Variants in LAMA2 observed in about 807,000 individuals in gnomAD.
The protein encoded by LAMA2 is laminin subunit alpha 2, also known as laminin subunit alpha-2.
Under a neutral mutation model 364.8 loss-of-function variants are expected in LAMA2, and 269 were observed. The ratio of observed to expected loss-of-function variants is 0.74; its 90% confidence interval spans 0.67 to 0.82. The LOEUF is 0.82. LAMA2 is among the 40% of genes least tolerant of loss of function. The probability of loss-of-function intolerance (pLI) is 0.00; values close to 1 mark genes in which losing one functional copy is unlikely to be tolerated. For synonymous variants in LAMA2, 1,379 were observed against 1,370.6 expected (o/e 1.01, Z -0.14); for missense variants, 3,807 against 3,873.2 (o/e 0.98, Z 0.45).
chr6:129,397,930 C>T (rs1779748662), intron 37 of LAMA2, among the ~76,000 whole-genome samples: 1 of 122,266 alleles, frequency 8.2e-6, no homozygotes, highest in Non-Finnish European at 1.7e-5. Context: ...GAGTGAGACT[C>T]CGTCTCAGAA....
chr6:128,995,471 G>A (rs1783871870), intron 1 of LAMA2, among the ~76,000 whole-genome samples: 1 of 152,144 alleles, frequency 6.6e-6, no homozygotes, highest in African/African-American at 2.4e-5. Flanking sequence ...ACAGGTGCCT[G>A]CCACCACGCC....
intron 33 of LAMA2, among the ~76,000 whole-genome samples, chr6:129,369,382 T>C (rs1048321804): frequency 6.6e-6 from 1 of 152,216 alleles, no homozygotes; most frequent in African/African-American, 2.4e-5. Flanking sequence ...GTTAGGCCAG[T>C]TCCTAGCAAC....
At chr6:129,238,761 T>TAAA (rs1451877044) in intron 12 of LAMA2, among the ~76,000 whole-genome samples, 2 of 152,142 alleles carry the variant, frequency 1.3e-5, no homozygotes, top group Non-Finnish European at 2.9e-5. Context: ...ATAATAATAA[T>TAAA]AAACCTACAT....
intron 27 of LAMA2, among the ~76,000 whole-genome samples, chr6:129,317,098 G>T (rs540554685): frequency 6.6e-6 from 1 of 152,242 alleles, no homozygotes; most frequent in East Asian, 1.9e-4. Flanking sequence ...CCACATCATG[G>T]ACCCTCATGG....
chr6:128,942,922 G>A (rs1023698565), intron 1 of LAMA2, among the ~76,000 whole-genome samples: 7 of 152,158 alleles, frequency 4.6e-5, no homozygotes, highest in African/African-American at 7.2e-5. Flanking sequence ...TGCTCCAATC[G>A]TAGTTTCAGT....
intron 22 of LAMA2, among the ~76,000 whole-genome samples, chr6:129,309,284 A>C (rs959990428): frequency 1.3e-5 from 2 of 152,180 alleles, no homozygotes; most frequent in African/African-American, 4.8e-5. Flanking sequence ...CTAAACAAAT[A>C]TTACCTCTAT....
chr6:129,131,859 A>C (rs997802189), intron 4 of LAMA2, among the ~76,000 whole-genome samples: 4 of 152,234 alleles, frequency 2.6e-5, no homozygotes, highest in African/African-American at 9.6e-5. Flanking sequence ...ATCTGTGTAC[A>C]TCACAATGTT....
rs1785792198 is a variant in LAMA2 at position 129,503,243 on chromosome 6, T to C, written c.8510T>C (p.Met2837Thr). The change falls in exon 60 of 65, where the codon ATG (methionine) becomes ACG (threonine). Residue 2837 changes from methionine (M) to threonine (T), a missense_variant. By Grantham distance (81) the Met-to-Thr change is moderately conservative (BLOSUM62 -1). This residue lies in a region of LAMA2 where 3,333 missense variants were observed against 3,345.7 expected (regional missense o/e 1.00). Transcript: ENST00000421865. Reference sequence around the variant, plus strand: ...TTGGGGAGTGGGGACACCCACACCATGATCCCCACCAAAATCAATGATGGC... The same window carrying C: ...TTGGGGAGTGGGGACACCCACACCACGATCCCCACCAAAATCAATGATGGC... Reference protein sequence around the residue: ...YDLGSGDTHTMIPTKINDGQW... With the variant: ...YDLGSGDTHTTIPTKINDGQW... The C allele has an allele frequency of 9.9e-6, 16 of 1,614,072 alleles. No homozygotes were observed. The highest frequency in any genetic ancestry group is 1.2e-5 in the Non-Finnish European group (14 of 1,179,984).
At chr6:129,066,047 T>TTTTTTTTTTTTTTTTTTTC (rs71028144) in intron 3 of LAMA2, among the ~76,000 whole-genome samples, 6 of 81,930 alleles carry the variant, frequency 7.3e-5, no homozygotes, top group Non-Finnish European at 1.2e-4. Flanking sequence ...GGTTTTTTTT[T>TTTTTTTTTTTTTTTTTTTC]TTTTTTTTTT....
chr6:128,978,277 A>G (rs551861428), intron 1 of LAMA2, among the ~76,000 whole-genome samples: 4 of 152,044 alleles, frequency 2.6e-5, no homozygotes, highest in Admixed American at 2.0e-4. Flanking sequence ...GAATCTAGTT[A>G]TCCTTTCAGA....
chr6:129,230,909 T>G, intron 12 of LAMA2, among the ~76,000 whole-genome samples: 1 of 152,114 alleles, frequency 6.6e-6, no homozygotes, highest in African/African-American at 2.4e-5. Context: ...CTATTAGTAC[T>G]GTAGCCAAGA....
At chr6:129,173,353 A>G (rs1000916785) in intron 9 of LAMA2, among the ~76,000 whole-genome samples, 2 of 152,098 alleles carry the variant, frequency 1.3e-5, no homozygotes, top group African/African-American at 4.8e-5. Context: ...CCATCCATAC[A>G]TTTTTATTAT....
intron 1 of LAMA2, among the ~76,000 whole-genome samples, chr6:129,008,933 T>C (rs1205778451): frequency 6.6e-6 from 1 of 152,234 alleles, no homozygotes; most frequent in Non-Finnish European, 1.5e-5. Context: ...GTGTGGTCTA[T>C]GATTTTTCTT....
At chr6:129,225,486 C>G (rs557600669) in intron 12 of LAMA2, among the ~76,000 whole-genome samples, 2 of 152,188 alleles carry the variant, frequency 1.3e-5, no homozygotes, top group East Asian at 1.9e-4. Flanking sequence ...TATAAATTTC[C>G]CTCTACACAC....
chr6:129,453,733 ATTTGGGT>A (rs1782806682), intron 46 of LAMA2, among the ~76,000 whole-genome samples: 1 of 152,134 alleles, frequency 6.6e-6, no homozygotes, highest in Non-Finnish European at 1.5e-5. Context: ...AATATTTGCC[ATTTGGGT>A]AAGGAATTCT....
intron 47 of LAMA2, 107 bp downstream of exon 47, chr6:129,454,395 G>T: frequency 1.2e-6 from 1 of 839,998 alleles, no homozygotes; most frequent in Non-Finnish European, 1.9e-6. Flanking sequence ...AACTGTGTAT[G>T]CATGTAAACA....
intron 9 of LAMA2, among the ~76,000 whole-genome samples, chr6:129,172,853 G>C (rs1780291469): frequency 6.6e-6 from 1 of 152,264 alleles, no homozygotes; most frequent in South Asian, 2.1e-4. Flanking sequence ...CTCCAAGCCA[G>C]GTGCAGGATA....
rs1785119479 is a variant in LAMA2 at position 129,016,988 on chromosome 6, T to C, written c.113-32930T>C. Among the ~76,000 whole-genome samples, 4 of 151,918 alleles carry C rather than the reference T, an allele frequency of 2.6e-5. No individual in the cohort carries two copies. The South Asian group carries it at 6.2e-4, about 24-fold the overall frequency. On this transcript the variant is annotated intron_variant, in intron 1 of 64. Transcript: ENST00000421865. ...CACTAGAGATGAATTACTATTATGT[T>C]CAAATCGTATATACAGCATATTTTT...
chr6:128,996,450 C>T (rs1160406631), intron 1 of LAMA2, among the ~76,000 whole-genome samples: 3 of 152,032 alleles, frequency 2.0e-5, no homozygotes, highest in African/African-American at 7.2e-5. Flanking sequence ...GCAACCCCAT[C>T]GAAAAGTGGG....
Sources: allele counts gnomAD v4.1 joint callset (sites outside exome capture counted in the v4.1 genomes callset), GRCh38; gene constraint gnomAD v4.1.1; regional missense constraint gnomAD v4.1.1; transcripts MANE v1.5; gene names NCBI Gene and HGNC (gene_info 2026-07-23, HGNC 2026-07-21).